PHIP: variants seen among roughly 807,000 people sequenced by gnomAD.
The protein encoded by PHIP is PHIP subunit of CUL4-Ring ligase complex, also known as PH-interacting protein.
PHIP carries 54 observed loss-of-function variants against 236.8 expected under a neutral mutation model. That is an observed-to-expected ratio of 0.23 (90% CI 0.18 to 0.29). The LOEUF (loss-of-function observed/expected upper bound fraction) is 0.29. PHIP is among the 10% of genes least tolerant of loss of function. The pLI is 1.00. For synonymous variants in PHIP, 756 were observed against 718.9 expected (o/e 1.05, Z -0.83); for missense variants, 1,370 against 2,190.8 (o/e 0.63, Z 7.48).
chr6:78,958,707 T>C (rs1303235778), intron 31 of PHIP, 107 bp from the exon 32 acceptor site: 1 of 714,462 alleles, frequency 1.4e-6, no homozygotes, highest in African/African-American at 1.8e-5. Flanking sequence ...CTAAACCAAC[T>C]GTAAAAACCA....
intron 9 of PHIP, among the ~76,000 whole-genome samples, chr6:79,020,640 AT>A (rs1417953563): frequency 5.9e-5 from 9 of 152,300 alleles, no homozygotes; most frequent in Admixed American, 2.6e-4. Flanking sequence ...ATAAACTACC[AT>A]TTTTAAAAGG....
intron 4 of PHIP, among the ~76,000 whole-genome samples, chr6:79,072,014 G>A (rs533690891): frequency 8.0e-5 from 12 of 150,922 alleles, no homozygotes; most frequent in African/African-American, 1.9e-4. Context: ...AACTGAAATC[G>A]GTTAGGATTT....
chr6:78,999,066 C>T (rs1769824661), intron 17 of PHIP, among the ~76,000 whole-genome samples: 1 of 151,962 alleles, frequency 6.6e-6, no homozygotes, highest in African/African-American at 2.4e-5. Context: ...GTAGCATTTG[C>T]GCTGAGATTT....
intron 15 of PHIP, chr6:79,004,349 G>T: frequency 1.1e-6 from 1 of 941,726 alleles, no homozygotes; most frequent in African/African-American, 1.8e-5. Context: ...GAATTTCAAA[G>T]GTTAAAGAAA....
In PHIP at chr6:78,940,837, CCTT is replaced by C; in HGVS notation, c.5319_5321del (p.Arg1774del). The C allele has an allele frequency of 6.2e-7, 1 of 1,613,974 alleles. No individual in the cohort carries two copies. Among genetic ancestry groups the C allele is most frequent in the Non-Finnish European group, 8.5e-7 (1 of 1,179,932 alleles). On this transcript the variant is annotated inframe_deletion, in exon 40 of 40. Coordinates refer to ENST00000275034, the MANE Select transcript of PHIP (RefSeq NM_017934.7). The stretch of plus-strand genomic sequence containing the variant: ...AGTCATCCTCATTATAGAAAGCTGT[CCTT>C]CGACCTTGATTTCTAGTTCTCATGT...
chr6:79,018,023 C>T (rs1270177710), intron 10 of PHIP, among the ~76,000 whole-genome samples: 1 of 151,910 alleles, frequency 6.6e-6, no homozygotes, highest in African/African-American at 2.4e-5. Flanking sequence ...CTGCTCTCTT[C>T]AGAACTCCCC....
At chr6:78,976,306 A>C (rs976778311) in intron 24 of PHIP, among the ~76,000 whole-genome samples, 3 of 147,442 alleles carry the variant, frequency 2.0e-5, no homozygotes, top group African/African-American at 7.5e-5. Context: ...TGGTGCTGGG[A>C]AAACTGGCTA....
intron 24 of PHIP, among the ~76,000 whole-genome samples, chr6:78,977,296 T>A (rs1444932687): frequency 6.6e-6 from 1 of 151,370 alleles, no homozygotes; most frequent in Non-Finnish European, 1.5e-5. Flanking sequence ...AAACACCGCA[T>A]ATTCTCACTC....
intron 39 of PHIP, among the ~76,000 whole-genome samples, chr6:78,944,933 C>T (rs1773718837): frequency 6.6e-6 from 1 of 151,730 alleles, no homozygotes; most frequent in Non-Finnish European, 1.5e-5. Flanking sequence ...TTGTAGACAA[C>T]CCCAATGAAT....
intron 6 of PHIP, among the ~76,000 whole-genome samples, chr6:79,048,774 C>T (rs1772635409): frequency 6.6e-6 from 1 of 152,050 alleles, no homozygotes; most frequent in Non-Finnish European, 1.5e-5. Flanking sequence ...AATGGAGGAC[C>T]ACAAAAACAG....
chr6:78,955,625 C>A lies in PHIP; in HGVS notation c.3840G>T (p.Leu1280Phe). ...AAATATTACATACCTCAGAATCAGA[C>A]AAAACTTTCTTCTTCATTGAATTAT... ...PLYNSMKKKV[L>F]SDSEDEEKDA... Residue 1280 changes from leucine (L) to phenylalanine (F), a missense_variant, in exon 33 of 40, where the codon TTG becomes TTT. This residue lies in a region of PHIP where 38 missense variants were observed against 27.6 expected (regional missense o/e 1.38). Coordinates refer to ENST00000275034, the MANE Select transcript of PHIP (RefSeq NM_017934.7). The A allele has an allele frequency of 9.7e-7, 1 of 1,029,554 alleles. No homozygotes were observed. Among genetic ancestry groups the A allele is most frequent in the Non-Finnish European group, 1.5e-6 (1 of 664,098 alleles). The allele number at this position is 1,029,554 out of a possible 1,614,324, so 63.8% of individuals were successfully genotyped here. A position where few individuals can be genotyped will look rare whatever the true frequency, so the allele number is the denominator to read the frequency against.
intron 9 of PHIP, among the ~76,000 whole-genome samples, chr6:79,019,400 T>C (rs1175510158): frequency 6.6e-6 from 1 of 152,056 alleles, no homozygotes; most frequent in African/African-American, 2.4e-5. Context: ...AATTCCAAAT[T>C]CACTGTCACA....
chr6:78,970,107 T>C lies in PHIP; in HGVS notation c.3064A>G (p.Lys1022Glu). ...EVGLPTLCCLKLAFLDPDTGK... is the reference protein window; with the variant it reads ...EVGLPTLCCLELAFLDPDTGK... ...GTATCAGGATCTAGAAAAGCAAGTT[T>C]AAGGCAGCAAAGGGTAGGTAATCCC... is the stretch of plus-strand genomic sequence containing the variant. Residue 1022 changes from lysine (K) to glutamate (E), a missense_variant, in exon 26 of 40, where the codon AAA becomes GAA. Transcript: ENST00000275034. 1 of 1,613,330 alleles carries C rather than the reference T, an allele frequency of 6.2e-7. No homozygotes were observed. Among genetic ancestry groups the C allele is most frequent in the Non-Finnish European group, 8.5e-7 (1 of 1,179,386 alleles).
At chr6:79,073,133 A>C (rs1582327277) in intron 4 of PHIP, among the ~76,000 whole-genome samples, 1 of 152,340 alleles carries the variant, frequency 6.6e-6, no homozygotes, top group East Asian at 1.9e-4. Context: ...GCCGCTTTAC[A>C]ACTATTTAAG....
Position 79,038,602 on chromosome 6 carries a change from C to CT in PHIP, c.600+4240dup, listed in dbSNP as rs1251227146. Among the ~76,000 whole-genome samples, 20 of 151,788 alleles carry CT rather than the reference C, an allele frequency of 1.3e-4. No individual in the cohort carries two copies. The South Asian group carries it at 2.3e-3, about 17-fold the overall frequency. On this transcript the variant is annotated intron_variant, in intron 7 of 39. Coordinates refer to ENST00000275034, the MANE Select transcript of PHIP (RefSeq NM_017934.7). ...TCCTGGCTTCTAAGACACCACTCTTCTTTTTTTTCCCCTAGCCTCTCAGGC... is the reference window on the plus strand; with the variant it reads ...TCCTGGCTTCTAAGACACCACTCTTCTTTTTTTTTCCCCTAGCCTCTCAGGC...
intron 4 of PHIP, 22 bp from the exon 5 acceptor site, chr6:79,060,840 T>C (rs779593911): frequency 1.6e-5 from 24 of 1,492,564 alleles, no homozygotes; most frequent in Middle Eastern, 1.8e-4. Context: ...AAGACAAATA[T>C]AGTAGGTTTC....
At chr6:78,972,572 A>C (rs1767669665) in intron 24 of PHIP, among the ~76,000 whole-genome samples, 1 of 152,182 alleles carries the variant, frequency 6.6e-6, no homozygotes, top group Admixed American at 6.5e-5. Context: ...AGACGATCAA[A>C]TTACTCTGAG....
chr6:79,043,326 A>T (rs1333833626), intron 6 of PHIP, among the ~76,000 whole-genome samples: 3 of 152,062 alleles, frequency 2.0e-5, no homozygotes. Context: ...TAAAAACCTA[A>T]AGCATTTATA....
intron 7 of PHIP, among the ~76,000 whole-genome samples, chr6:79,040,055 A>G (rs1465331746): frequency 6.6e-6 from 1 of 152,174 alleles, no homozygotes; most frequent in African/African-American, 2.4e-5. Flanking sequence ...TGGATAAAAA[A>G]TAAAAGATAA....
Sources: gnomAD v4.1 joint callset for allele counts (sites outside exome capture counted in the v4.1 genomes callset) on GRCh38, gnomAD v4.1.1 for gene constraint, gnomAD v4.1.1 regional missense constraint, MANE v1.5 for transcripts, NCBI Gene and HGNC (gene_info 2026-07-23, HGNC 2026-07-21) for gene names.